Variants in DLG2 observed in about 807,000 individuals in gnomAD.
The protein encoded by DLG2 is discs large MAGUK scaffold protein 2.
In DLG2, 45 loss-of-function variants were observed where a neutral mutation model predicts 132.5. The observed-to-expected ratio is 0.34, with a 90% CI of 0.27 to 0.44. The LOEUF (loss-of-function observed/expected upper bound fraction) is 0.44. Among genes scored for constraint, DLG2 ranks in the 20% least tolerant of loss-of-function variants. The pLI, the probability that DLG2 is intolerant of heterozygous loss-of-function variation, is 1.00. For missense variants in DLG2, 1,045 were observed against 1,196.9 expected (o/e 0.87, Z 1.87); for synonymous variants, 424 against 419.6 (o/e 1.01, Z -0.13).
chr11:85,465,521 G>C (rs1262041925), intron 3 of DLG2, among the ~76,000 whole-genome samples: 1 of 151,756 alleles, frequency 6.6e-6, no homozygotes, highest in Admixed American at 6.6e-5. Flanking sequence ...TGTTCTCATT[G>C]TTCAATTCCC....
At chr11:83,707,462 G>A (rs368770139) in intron 18 of DLG2, among the ~76,000 whole-genome samples, 6 of 152,218 alleles carry the variant, frequency 3.9e-5, no homozygotes, top group Non-Finnish European at 5.9e-5. Flanking sequence ...CTGAGGTCAG[G>A]AGTTCAAGAC....
At chr11:85,424,075 C>A (rs1221643874) in intron 3 of DLG2, among the ~76,000 whole-genome samples, 1 of 152,194 alleles carries the variant, frequency 6.6e-6, no homozygotes, top group Non-Finnish European at 1.5e-5. Flanking sequence ...GCAAAAATGG[C>A]TTGCTAGGGG....
At chr11:85,340,933 T>G (rs1245430628) in intron 3 of DLG2, among the ~76,000 whole-genome samples, 2 of 152,216 alleles carry the variant, frequency 1.3e-5, no homozygotes, top group African/African-American at 2.4e-5. Context: ...AGTGAACTTT[T>G]GTGTATGATG....
chr11:85,480,770 G>C (rs1379836688), intron 3 of DLG2, among the ~76,000 whole-genome samples: 7 of 152,012 alleles, frequency 4.6e-5, no homozygotes, highest in Non-Finnish European at 8.8e-5. Flanking sequence ...TAAATAAAAA[G>C]AATCTATTCT....
chr11:84,307,956 T>C (rs1056182342), intron 7 of DLG2, among the ~76,000 whole-genome samples: 7 of 152,250 alleles, frequency 4.6e-5, no homozygotes, highest in Non-Finnish European at 4.4e-5. Context: ...AGGAGTGAAG[T>C]TGCAGACTTC....
chr11:83,830,210 T>C (rs772021849), intron 17 of DLG2, among the ~76,000 whole-genome samples: 7 of 152,242 alleles, frequency 4.6e-5, no homozygotes, highest in Admixed American at 3.9e-4. Context: ...ACTTCAAAGA[T>C]TGTTGTTATA....
intron 6 of DLG2, among the ~76,000 whole-genome samples, chr11:84,912,048 T>C (rs1436623508): frequency 1.3e-5 from 2 of 152,208 alleles, no homozygotes; most frequent in African/African-American, 4.8e-5. Flanking sequence ...AAGTATACCA[T>C]AAGGAAATGT....
At position 85,556,907 on chromosome 11, in the gene DLG2, A is replaced by G. The variant is rs543635155; in HGVS notation, c.40+41750T>C. 2.6e-4 allele frequency among the ~76,000 whole-genome samples: 40 copies of G among 151,916 alleles called. 1 individual carries two copies. The highest frequency in any genetic ancestry group is 9.4e-4 in the African/African-American group (39 of 41,538). ...CATTAGATGATTAAATTTCTGTGAT[A>G]TTTGTCTCTTGAAAAGTAAGTTTGA... On this transcript the variant is annotated intron_variant, in intron 3 of 27. Transcript: ENST00000376104.
chr11:85,509,481 G>T (rs2094008451), intron 3 of DLG2, among the ~76,000 whole-genome samples: 1 of 152,002 alleles, frequency 6.6e-6, no homozygotes, highest in Non-Finnish European at 1.5e-5. Flanking sequence ...CAACCAGGAC[G>T]GTGGAGGGCT....
intron 19 of DLG2, among the ~76,000 whole-genome samples, chr11:83,605,316 G>A (rs1294165918): frequency 1.3e-5 from 2 of 152,136 alleles, no homozygotes; most frequent in African/African-American, 2.4e-5. Context: ...TTAAAATTTT[G>A]TGTTTTCTAA....
chr11:84,472,869 T>G (rs1041328741), intron 7 of DLG2, among the ~76,000 whole-genome samples: 15 of 152,034 alleles, frequency 9.9e-5, no homozygotes, highest in African/African-American at 3.6e-4. Context: ...ATCACTTAAT[T>G]TTTTCACAAA....
At chr11:84,484,245 T>C (rs74674591) in intron 7 of DLG2, among the ~76,000 whole-genome samples, 3 of 152,308 alleles carry the variant, frequency 2.0e-5, no homozygotes, top group East Asian at 1.9e-4. Context: ...TCTTGGTGGA[T>C]GATTGTAAAA....
At chr11:84,733,262 G>A (rs1332747714) in intron 6 of DLG2, among the ~76,000 whole-genome samples, 2 of 152,182 alleles carry the variant, frequency 1.3e-5, no homozygotes, top group Non-Finnish European at 2.9e-5. Context: ...CACCAACAGT[G>A]TAAGAGTGTT....
intron 4 of DLG2, among the ~76,000 whole-genome samples, chr11:85,250,369 T>C (rs954227733): frequency 2.0e-5 from 3 of 152,200 alleles, no homozygotes; most frequent in Non-Finnish European, 2.9e-5. Flanking sequence ...ATACAACATA[T>C]ATGCTTATTC....
At chr11:85,037,842 A>G (rs1055330836) in intron 6 of DLG2, among the ~76,000 whole-genome samples, 10 of 152,192 alleles carry the variant, frequency 6.6e-5, no homozygotes, top group Admixed American at 2.6e-4. Flanking sequence ...TACAGATTGT[A>G]CATCTCTGTA....
intron 6 of DLG2, among the ~76,000 whole-genome samples, chr11:84,787,843 A>T (rs1428709086): frequency 1.3e-5 from 2 of 151,996 alleles, no homozygotes; most frequent in African/African-American, 4.8e-5. Flanking sequence ...TCATGCCTGT[A>T]ATCCCAGCAC....
intron 7 of DLG2, among the ~76,000 whole-genome samples, chr11:84,363,318 G>A (rs4944489): frequency 0.084 from 12,770 of 151,322 alleles, 566 homozygotes; most frequent in South Asian, 0.15. Flanking sequence ...CTTTTGAGAA[G>A]TGTCTGTTCA....
intron 6 of DLG2, among the ~76,000 whole-genome samples, chr11:85,026,702 T>C (rs886604180): frequency 3.8e-4 from 57 of 151,970 alleles, no homozygotes; most frequent in African/African-American, 1.4e-3. Context: ...CCGGGCGTGG[T>C]GGCGGGCGCC....
At chr11:83,954,837 G>T (rs566460476) in intron 14 of DLG2, among the ~76,000 whole-genome samples, 40 of 152,208 alleles carry the variant, frequency 2.6e-4, no homozygotes, top group African/African-American at 9.4e-4. Flanking sequence ...ATTGCAGCTG[G>T]TATTAGATAT....
Sources: allele counts gnomAD v4.1 joint callset (sites outside exome capture counted in the v4.1 genomes callset), GRCh38; gene constraint gnomAD v4.1.1; transcripts MANE v1.5; gene names NCBI Gene and HGNC (gene_info 2026-07-23, HGNC 2026-07-21).